STAU2: variants seen among roughly 807,000 people sequenced by gnomAD.
The protein encoded by STAU2 is double-stranded RNA-binding protein Staufen homolog 2.
Under a neutral mutation model 65.9 loss-of-function variants are expected in STAU2, and 20 were observed. The ratio of observed to expected loss-of-function variants is 0.30; its 90% confidence interval spans 0.21 to 0.44. The LOEUF is 0.44. Among genes scored for constraint, STAU2 ranks in the 20% least tolerant of loss-of-function variants. The pLI is 1.00. For missense variants in STAU2, 558 were observed against 683.9 expected, an observed-to-expected ratio of 0.82 and a Z score of 2.05; for synonymous variants, 232 against 233.9, an observed-to-expected ratio of 0.99 and a Z score of 0.07.
At chr8:73,667,108 C>T (rs1817293094) in intron 6 of STAU2, among the ~76,000 whole-genome samples, 1 of 152,134 alleles carries the variant, frequency 6.6e-6, no homozygotes. Context: ...ATCCTTAATA[C>T]CCCAAATGCA....
chr8:73,584,058 T>C lies in STAU2; in HGVS notation c.1162-1228A>G, dbSNP rs181013887. 3.5e-3 allele frequency among the ~76,000 whole-genome samples: 530 copies of C among 152,358 alleles called. 4 individuals are homozygous for C. The Middle Eastern group carries it at 0.054, about 16-fold the overall frequency. On this transcript the variant is annotated intron_variant, in intron 11 of 14. Coordinates refer to ENST00000524300, the MANE Select transcript of STAU2 (RefSeq NM_001164380.2). ...AAGTTGTTCTTATTGAATTCATTCCTTTTTAATCATACATCTTAGGGTGAC... is the reference window on the plus strand; with the variant it reads ...AAGTTGTTCTTATTGAATTCATTCCCTTTTAATCATACATCTTAGGGTGAC...
intron 6 of STAU2, among the ~76,000 whole-genome samples, chr8:73,631,524 TAATA>T (rs1486795716): frequency 3.9e-5 from 6 of 152,006 alleles, no homozygotes; most frequent in African/African-American, 9.7e-5. Context: ...TAATGTAAAA[TAATA>T]AATAACATTA....
At position 73,421,408 on chromosome 8, in the gene STAU2, G is replaced by C; in HGVS notation, c.1677C>G (p.Ile559Met). 2 of 1,537,296 alleles carry C rather than the reference G, an allele frequency of 1.3e-6. No individual in the cohort carries two copies. Among genetic ancestry groups the C allele is most frequent in the East Asian group, 2.4e-5 (1 of 40,914 alleles). Reference protein sequence around the residue: ...ADNNQAPPGSIAQDCKKSNSA... With the variant: ...ADNNQAPPGSMAQDCKKSNSA... ...AGTTTGATTTCTTGCAGTCCTGAGC[G>C]ATGGAGCCCGGGGGTGCCTGGTTAT... The change falls in exon 15 of 15, where the codon ATC becomes ATG. Residue 559 changes from isoleucine (I) to methionine (M), a missense_variant. Physicochemically the swap from Ile to Met is conservative, Grantham distance 10 (BLOSUM62 1). Transcript: ENST00000524300.
Position 73,673,244 on chromosome 8 carries a change from T to C in STAU2, c.275-2A>G. 2 of 1,550,616 alleles carry C rather than the reference T, an allele frequency of 1.3e-6. No homozygotes were observed. The highest frequency in any genetic ancestry group is 1.7e-6 in the Non-Finnish European group (2 of 1,152,514). On this transcript the variant is annotated splice_acceptor_variant, in intron 5 of 14. Coordinates refer to ENST00000524300, the MANE Select transcript of STAU2 (RefSeq NM_001164380.2). LOFTEE classifies it high-confidence loss of function. ...GTTCCACAGTTGGAGTTATACTGCC[T>C]GTTTAAAAAAAAAACATTAAAGGCA...
intron 12 of STAU2, among the ~76,000 whole-genome samples, chr8:73,565,029 A>G (rs2128951567): frequency 6.6e-6 from 1 of 152,342 alleles, no homozygotes; most frequent in South Asian, 2.1e-4. Flanking sequence ...GACCAACCTC[A>G]ATCCTGAACT....
chr8:73,662,008 T>G (rs188061322), intron 6 of STAU2, among the ~76,000 whole-genome samples: 7 of 152,326 alleles, frequency 4.6e-5, no homozygotes, highest in African/African-American at 1.7e-4. Context: ...AAGAACATCA[T>G]AAACTCTGAC....
chr8:73,640,865 T>C (rs1029229576), intron 6 of STAU2, among the ~76,000 whole-genome samples: 1 of 152,096 alleles, frequency 6.6e-6, no homozygotes, highest in Non-Finnish European at 1.5e-5. Flanking sequence ...CATATGTAAG[T>C]TCTAAAACAG....
chr8:73,425,938 A>G lies in STAU2; in HGVS notation c.1531-3236T>C, dbSNP rs377102297. On this transcript the variant is annotated intron_variant, in intron 13 of 14. Coordinates refer to ENST00000524300, the MANE Select transcript of STAU2 (RefSeq NM_001164380.2). ...CTCCTGAGTAGTTGGGATTACAGGCATGAGCCACCACACCCAGCTAATGTT... is the reference window on the plus strand; with the variant it reads ...CTCCTGAGTAGTTGGGATTACAGGCGTGAGCCACCACACCCAGCTAATGTT... 2.9e-4 allele frequency among the ~76,000 whole-genome samples: 44 copies of G among 152,232 alleles called. No individual in the cohort carries two copies. The South Asian group carries it at 8.5e-3, about 29-fold the overall frequency.
chr8:73,708,432 A>G (rs1820668892), intron 4 of STAU2, among the ~76,000 whole-genome samples: 2 of 152,238 alleles, frequency 1.3e-5, no homozygotes, highest in African/African-American at 4.8e-5. Flanking sequence ...GTAGATTTGT[A>G]ACATGTATAT....
chr8:73,697,415 C>G (rs148551049), intron 4 of STAU2: 2 of 152,128 alleles, frequency 1.3e-5, no homozygotes, highest in East Asian at 3.8e-4. Flanking sequence ...ACTTGTTCTA[C>G]AAGAAATCCT....
At chr8:73,731,752 A>G (rs1015989624) in intron 3 of STAU2, among the ~76,000 whole-genome samples, 8 of 152,064 alleles carry the variant, frequency 5.3e-5, no homozygotes, top group African/African-American at 1.4e-4. Context: ...AGCCTGCCCA[A>G]CATGATGAAA....
At chr8:73,550,814 C>T (rs1267402801) in intron 13 of STAU2, 161 of 987,246 alleles carry the variant, frequency 1.6e-4, no homozygotes, top group Non-Finnish European at 1.9e-4. Context: ...CTAACAACTA[C>T]CTGGCAATAG....
intron 1 of STAU2, among the ~76,000 whole-genome samples, chr8:73,741,039 C>T (rs1413002233): frequency 1.4e-5 from 2 of 147,570 alleles, no homozygotes; most frequent in African/African-American, 5.0e-5. Context: ...GGCGCAGTGG[C>T]TCACGCCTGT....
At chr8:73,556,771 C>T (rs10458306) in intron 12 of STAU2, among the ~76,000 whole-genome samples, 108,268 of 151,940 alleles carry the variant, frequency 0.71, 39,217 homozygotes, top group Non-Finnish European at 0.79. Flanking sequence ...CAGTTATCAA[C>T]AGTAACAGAA....
intron 12 of STAU2, among the ~76,000 whole-genome samples, chr8:73,562,711 CAATTT>C (rs997374795): frequency 6.6e-6 from 1 of 152,136 alleles, no homozygotes; most frequent in African/African-American, 2.4e-5. Context: ...TATGATTTAA[CAATTT>C]ACTACACATT....
chr8:73,532,488 G>A lies in STAU2; in HGVS notation c.1530+19524C>T, dbSNP rs551164546. On this transcript the variant is annotated intron_variant, in intron 13 of 14. Coordinates refer to ENST00000524300, the MANE Select transcript of STAU2 (RefSeq NM_001164380.2). ...GGATCCCTTGAGCCTAGGAGTTTGA[G>A]ACCAACCTGGGCAACACAGGAGACC... 5.3e-5 allele frequency among the ~76,000 whole-genome samples: 8 copies of A among 152,162 alleles called. No homozygotes were observed. The East Asian group carries it at 1.4e-3, about 26-fold the overall frequency.
intron 13 of STAU2, among the ~76,000 whole-genome samples, chr8:73,476,952 C>A (rs1410173732): frequency 2.0e-5 from 3 of 152,212 alleles, no homozygotes; most frequent in African/African-American, 7.2e-5. Context: ...TTAACAACTG[C>A]AGGGGCATAA....
At chr8:73,654,809 C>A in intron 6 of STAU2, among the ~76,000 whole-genome samples, 1 of 149,624 alleles carries the variant, frequency 6.7e-6, no homozygotes. Context: ...GCCTCAGCCT[C>A]CTGTGTAGCT....
chr8:73,717,213 A>T (rs7843887), intron 3 of STAU2, among the ~76,000 whole-genome samples: 147,962 of 152,276 alleles, frequency 0.97, 71,908 homozygotes, highest in East Asian at 1. Context: ...AAAAATAAAA[A>T]TTTTTTTCCC....
Sources: allele counts gnomAD v4.1 joint callset (sites outside exome capture counted in the v4.1 genomes callset), GRCh38; gene constraint gnomAD v4.1.1; transcripts MANE v1.5; gene names NCBI Gene and HGNC (gene_info 2026-07-23, HGNC 2026-07-21).